RIMS2: variants seen among roughly 807,000 people sequenced by gnomAD.
The protein encoded by RIMS2 is regulating synaptic membrane exocytosis 2, also known as regulating synaptic membrane exocytosis protein 2.
RIMS2 carries 59 observed loss-of-function variants against 174.4 expected under a neutral mutation model. That is an observed-to-expected ratio of 0.34 (90% CI 0.27 to 0.42). The LOEUF (loss-of-function observed/expected upper bound fraction) is 0.42, where lower values mean the gene tolerates loss of function less well. RIMS2 is among the 10% of genes least tolerant of loss of function. The probability of loss-of-function intolerance (pLI) is 1.00; values close to 1 mark genes in which losing one functional copy is unlikely to be tolerated. For synonymous variants in RIMS2, 606 were observed against 572.5 expected, an observed-to-expected ratio of 1.06 and a Z score of -0.84; for missense variants, 1,620 against 1,666.3, an observed-to-expected ratio of 0.97 and a Z score of 0.48.
At chr8:103,794,176 C>G (rs1160502021) in intron 3 of RIMS2, among the ~76,000 whole-genome samples, 1 of 152,172 alleles carries the variant, frequency 6.6e-6, no homozygotes, top group Non-Finnish European at 1.5e-5. Flanking sequence ...TACCTGACTT[C>G]AAACTATACT....
chr8:103,931,976 A>AT (rs1352532917), intron 12 of RIMS2, among the ~76,000 whole-genome samples: 6 of 150,638 alleles, frequency 4.0e-5, no homozygotes, highest in Admixed American at 2.0e-4. Flanking sequence ...TTCTACCCTT[A>AT]TTTTTTTTTC....
chr8:103,908,149 C>T (rs2074894135), intron 4 of RIMS2, among the ~76,000 whole-genome samples: 1 of 152,182 alleles, frequency 6.6e-6, no homozygotes, highest in Non-Finnish European at 1.5e-5. Context: ...TCAAGAAATC[C>T]TCCTGCCTCA....
At chr8:104,041,465 T>C in intron 19 of RIMS2, 107 bp downstream of exon 22, 1 of 546,750 alleles carries the variant, frequency 1.8e-6, no homozygotes, top group South Asian at 2.5e-5. Context: ...CTTTGTAATA[T>C]AACAAAATAT....
intron 19 of RIMS2, among the ~76,000 whole-genome samples, chr8:104,078,674 A>G (rs2097347701): frequency 6.6e-6 from 1 of 152,246 alleles, no homozygotes; most frequent in Non-Finnish European, 1.5e-5. Flanking sequence ...GTAGCTAATG[A>G]TCTTTTAAAT....
chr8:103,686,736 T>C (rs761375954), intron 1 of RIMS2, among the ~76,000 whole-genome samples: 2 of 152,162 alleles, frequency 1.3e-5, no homozygotes, highest in African/African-American at 4.8e-5. Flanking sequence ...AGAAATACTT[T>C]ATTGGTCTAT....
intron 19 of RIMS2, among the ~76,000 whole-genome samples, chr8:104,092,112 T>C (rs2097670250): frequency 6.6e-6 from 1 of 151,762 alleles, no homozygotes; most frequent in Non-Finnish European, 1.5e-5. Flanking sequence ...ATCTAGATAC[T>C]GAGAGGTTTT....
At chr8:103,767,312 C>G (rs1027844739) in intron 3 of RIMS2, among the ~76,000 whole-genome samples, 3 of 151,814 alleles carry the variant, frequency 2.0e-5, no homozygotes, top group African/African-American at 7.3e-5. Flanking sequence ...CTCAGCCTCC[C>G]GAGTAGCTGG....
chr8:103,810,112 G>A (rs111302190), intron 3 of RIMS2, among the ~76,000 whole-genome samples: 1 of 152,102 alleles, frequency 6.6e-6, no homozygotes, highest in African/African-American at 2.4e-5. Flanking sequence ...AATTGTTTGA[G>A]CCTTTGTCAC....
intron 15 of RIMS2, among the ~76,000 whole-genome samples, chr8:103,972,172 C>A (rs2092953897): frequency 6.6e-6 from 1 of 152,170 alleles, no homozygotes; most frequent in African/African-American, 2.4e-5. Flanking sequence ...CTGACATCTT[C>A]ACTTGGAAAT....
chr8:103,638,155 C>A (rs2096133574), intron 1 of RIMS2, among the ~76,000 whole-genome samples: 1 of 152,068 alleles, frequency 6.6e-6, no homozygotes. Flanking sequence ...CTATTGGTTG[C>A]AAGTGGGTCA....
chr8:103,662,908 C>T (rs971182295), intron 1 of RIMS2, among the ~76,000 whole-genome samples: 2 of 152,170 alleles, frequency 1.3e-5, no homozygotes, highest in Non-Finnish European at 2.9e-5. Flanking sequence ...CAGTTGCTCA[C>T]GCCTGTAATC....
At chr8:103,710,327 G>A (rs1353177561) in intron 2 of RIMS2, among the ~76,000 whole-genome samples, 1 of 151,980 alleles carries the variant, frequency 6.6e-6, no homozygotes, top group Non-Finnish European at 1.5e-5. Context: ...TCTTTCATGT[G>A]GAGCCATCCT....
intron 19 of RIMS2, among the ~76,000 whole-genome samples, chr8:104,195,781 G>A (rs1563683890): frequency 6.6e-6 from 1 of 152,050 alleles, no homozygotes; most frequent in Non-Finnish European, 1.5e-5. Flanking sequence ...CCAAAGTACT[G>A]GGATTACAGG....
At chr8:104,001,191 T>C (rs2095371195) in intron 17 of RIMS2, among the ~76,000 whole-genome samples, 1 of 151,868 alleles carries the variant, frequency 6.6e-6, no homozygotes, top group African/African-American at 2.4e-5. Context: ...CAACTATAAT[T>C]AACAATAGCT....
intron 19 of RIMS2, chr8:104,223,916 T>C: frequency 1.3e-6 from 1 of 779,710 alleles, no homozygotes; most frequent in Non-Finnish European, 2.0e-6. Context: ...TCTCCGGGAC[T>C]GTGCCGGGGG....
chr8:103,702,952 G>T (rs10108442), intron 2 of RIMS2, among the ~76,000 whole-genome samples: 1 of 140,300 alleles, frequency 7.1e-6, no homozygotes, highest in East Asian at 2.0e-4. Flanking sequence ...TTTCTGTTTC[G>T]TGAGGAATGT....
chr8:103,991,394 TGAG>T (rs2094687961), intron 17 of RIMS2, among the ~76,000 whole-genome samples: 2 of 151,850 alleles, frequency 1.3e-5, no homozygotes, highest in East Asian at 3.9e-4. Context: ...TTTATTAACA[TGAG>T]GAATAAAAAA....
chr8:104,147,353 A>AT (rs1438991435), intron 19 of RIMS2, among the ~76,000 whole-genome samples: 3 of 152,032 alleles, frequency 2.0e-5, no homozygotes, highest in Non-Finnish European at 4.4e-5. Flanking sequence ...TTCACTATAT[A>AT]TTTTTTAAAT....
chr8:103,916,622 G>A, intron 8 of RIMS2, 85 bp downstream of exon 11: 1 of 1,089,238 alleles, frequency 9.2e-7, no homozygotes. Flanking sequence ...ATTTCTGATT[G>A]CTTTATGGAA....
Sources: gnomAD v4.1 joint callset for allele counts (sites outside exome capture counted in the v4.1 genomes callset) on GRCh38, gnomAD v4.1.1 for gene constraint, MANE v1.5 for transcripts, NCBI Gene and HGNC (gene_info 2026-07-23, HGNC 2026-07-21) for gene names.